The following UNC5C variants were observed in gnomAD, a reference collection of about 807,000 sequenced individuals.
UNC5C encodes the protein unc-5 netrin receptor C.
UNC5C carries 47 observed loss-of-function variants against 99.8 expected under a neutral mutation model. That is an observed-to-expected ratio of 0.47 (90% confidence interval 0.37 to 0.60). The LOEUF (loss-of-function observed/expected upper bound fraction) is 0.60, where lower values mean the gene tolerates loss of function less well. Among genes scored for constraint, UNC5C ranks in the 20% least tolerant of loss-of-function variants. The probability of loss-of-function intolerance (pLI) is 0.00; values close to 1 mark genes in which losing one functional copy is unlikely to be tolerated. For synonymous variants in UNC5C, 487 were observed against 452.2 expected (o/e 1.08, Z -0.98); for missense variants, 1,062 against 1,165.9 (o/e 0.91, Z 1.30).
chr4:95,385,331 T>C (rs1221756080), intron 1 of UNC5C, among the ~76,000 whole-genome samples: 1 of 152,230 alleles, frequency 6.6e-6, no homozygotes, highest in East Asian at 1.9e-4. Context: ...GATAAACCCG[T>C]ACTGCTGTAC....
At chr4:95,342,514 C>T (rs546965411) in intron 1 of UNC5C, among the ~76,000 whole-genome samples, 9 of 152,152 alleles carry the variant, frequency 5.9e-5, no homozygotes, top group Admixed American at 5.2e-4. Flanking sequence ...CAGCAATATC[C>T]AGGCGGTACA....
At chr4:95,336,208 T>G (rs1743331382) in intron 1 of UNC5C, among the ~76,000 whole-genome samples, 1 of 151,926 alleles carries the variant, frequency 6.6e-6, no homozygotes, top group African/African-American at 2.4e-5. Flanking sequence ...TTGCACACTT[T>G]GAGATACATT....
chr4:95,287,181 C>T (rs955931559), intron 3 of UNC5C, among the ~76,000 whole-genome samples: 18 of 152,172 alleles, frequency 1.2e-4, no homozygotes, highest in African/African-American at 3.6e-4. Context: ...GGATTGCATA[C>T]ATAACATTTC....
At chr4:95,216,990 GGCCCACACCACT>G (rs1476093056) in intron 9 of UNC5C, among the ~76,000 whole-genome samples, 1 of 152,064 alleles carries the variant, frequency 6.6e-6, no homozygotes, top group Non-Finnish European at 1.5e-5. Flanking sequence ...GATGGTCTGG[GGCCCACACCACT>G]GCTCATCATC....
At chr4:95,503,871 A>T (rs574134679) in intron 1 of UNC5C, among the ~76,000 whole-genome samples, 30 of 152,242 alleles carry the variant, frequency 2.0e-4, no homozygotes, top group African/African-American at 7.2e-4. Flanking sequence ...TATTCAGTGA[A>T]AATTTTTCAC....
intron 5 of UNC5C, among the ~76,000 whole-genome samples, chr4:95,246,945 G>A (rs1445778929): frequency 6.6e-6 from 1 of 151,960 alleles, no homozygotes; most frequent in African/African-American, 2.4e-5. Flanking sequence ...GGGAGGCTGA[G>A]GAGGGAGGAT....
chr4:95,296,251 G>A (rs1198865738), intron 3 of UNC5C, among the ~76,000 whole-genome samples: 2 of 152,134 alleles, frequency 1.3e-5, no homozygotes, highest in Non-Finnish European at 2.9e-5. Context: ...CAAGTTAGGT[G>A]GGGTTCCTTC....
At chr4:95,216,306 T>G in intron 9 of UNC5C, 95 bp from the exon 10 acceptor site, 2 of 884,338 alleles carry the variant, frequency 2.3e-6, no homozygotes, top group Non-Finnish European at 3.5e-6. Context: ...TAAGCCTGCT[T>G]CATTTTCTCT....
intron 1 of UNC5C, among the ~76,000 whole-genome samples, chr4:95,369,272 C>T (rs1744672348): frequency 6.6e-6 from 1 of 151,414 alleles, no homozygotes; most frequent in Admixed American, 6.6e-5. Flanking sequence ...AAAGTAAGGC[C>T]AGGTGTGGTG....
At chr4:95,439,106 C>T (rs1578163871) in intron 1 of UNC5C, among the ~76,000 whole-genome samples, 1 of 152,094 alleles carries the variant, frequency 6.6e-6, no homozygotes, top group Non-Finnish European at 1.5e-5. Context: ...AAAAATTATA[C>T]CCTGGTGCAT....
intron 4 of UNC5C, among the ~76,000 whole-genome samples, chr4:95,250,875 CCTG>C (rs1350742623): frequency 6.6e-6 from 1 of 152,214 alleles, no homozygotes; most frequent in African/African-American, 2.4e-5. Flanking sequence ...GTATCACTCA[CCTG>C]CCAAACATGC....
chr4:95,521,553 T>C (rs929813074), intron 1 of UNC5C, among the ~76,000 whole-genome samples: 12 of 152,200 alleles, frequency 7.9e-5, no homozygotes, highest in African/African-American at 2.9e-4. Flanking sequence ...ATTCCCATCA[T>C]CAGGGGTCCA....
intron 1 of UNC5C, among the ~76,000 whole-genome samples, chr4:95,463,477 A>T (rs1456689325): frequency 6.6e-6 from 1 of 151,822 alleles, no homozygotes; most frequent in Non-Finnish European, 1.5e-5. Context: ...CAGAAAATGA[A>T]CCCATCCTAA....
chr4:95,543,913 G>A (rs1288379625), intron 1 of UNC5C, among the ~76,000 whole-genome samples: 1 of 152,156 alleles, frequency 6.6e-6, no homozygotes, highest in Non-Finnish European at 1.5e-5. Flanking sequence ...CTGTCCAGGA[G>A]TTTACAATGA....
At chr4:95,327,222 T>A (rs1242534682) in intron 2 of UNC5C, among the ~76,000 whole-genome samples, 1 of 152,130 alleles carries the variant, frequency 6.6e-6, no homozygotes, top group East Asian at 1.9e-4. Flanking sequence ...TGCCTTTATT[T>A]CAATTGCATT....
At chr4:95,303,715 A>G (rs1741958251) in intron 2 of UNC5C, among the ~76,000 whole-genome samples, 1 of 152,148 alleles carries the variant, frequency 6.6e-6, no homozygotes, top group South Asian at 2.1e-4. Context: ...GGATATTACT[A>G]AAGTGTTTTA....
chr4:95,362,003 A>G (rs577677037), intron 1 of UNC5C, among the ~76,000 whole-genome samples: 1 of 151,862 alleles, frequency 6.6e-6, no homozygotes, highest in Non-Finnish European at 1.5e-5. Context: ...ATCACTTACA[A>G]ACTGAAACAG....
intron 1 of UNC5C, among the ~76,000 whole-genome samples, chr4:95,409,256 T>C (rs1181648852): frequency 6.6e-6 from 1 of 152,126 alleles, no homozygotes; most frequent in African/African-American, 2.4e-5. Context: ...ACTTCTTTGC[T>C]CTTTGTTTAT....
intron 10 of UNC5C, among the ~76,000 whole-genome samples, chr4:95,207,148 C>G (rs779419443): frequency 1.3e-5 from 2 of 152,110 alleles, no homozygotes; most frequent in Non-Finnish European, 2.9e-5. Context: ...GTTACATAAG[C>G]AGATTTTCTG....
Sources: allele counts gnomAD v4.1 joint callset (sites outside exome capture counted in the v4.1 genomes callset), GRCh38; gene constraint gnomAD v4.1.1; transcripts MANE v1.5; gene names NCBI Gene and HGNC (gene_info 2026-07-23, HGNC 2026-07-21).